Variants in NDUFAF2 observed in about 807,000 individuals in gnomAD.
NDUFAF2 encodes the protein NADH:ubiquinone oxidoreductase complex assembly factor 2.
In NDUFAF2, 13 loss-of-function variants were observed where a neutral mutation model predicts 22.8. The ratio of observed to expected loss-of-function variants is 0.57; its 90% confidence interval spans 0.37 to 0.91. NDUFAF2 has a LOEUF of 0.91. NDUFAF2 is among the 40% of genes least tolerant of loss of function. The pLI, the probability that NDUFAF2 is intolerant of heterozygous loss-of-function variation, is 0.01. For synonymous variants in NDUFAF2, 53 were observed against 64.2 expected, an observed-to-expected ratio of 0.83 and a Z score of 0.84; for missense variants, 162 against 195.2, an observed-to-expected ratio of 0.83 and a Z score of 1.01.
chr5:60,957,024 G>A (rs1430681715), intron 1 of NDUFAF2, among the ~76,000 whole-genome samples: 3 of 152,080 alleles, frequency 2.0e-5, no homozygotes, highest in African/African-American at 7.2e-5. Context: ...TAAAATTGAG[G>A]TTTGCTAATC....
At chr5:61,147,548 A>G (rs1378260087) in intron 3 of NDUFAF2, among the ~76,000 whole-genome samples, 1 of 148,918 alleles carries the variant, frequency 6.7e-6, no homozygotes, top group Non-Finnish European at 1.5e-5. Flanking sequence ...TGCTAGGATT[A>G]CAGGCGTGAG....
In NDUFAF2 at chr5:61,002,738, G is replaced by T. The variant is rs116640346; in HGVS notation, c.127+57356G>T. On this transcript the variant is annotated intron_variant, in intron 1 of 3. Transcript: ENST00000296597. Reference sequence around the variant, plus strand: ...GCATCTGTTTCCTTCTTGTGGGAGGGGGTTTGAGCTTCATTTCAATGTCAT... The same window carrying T: ...GCATCTGTTTCCTTCTTGTGGGAGGTGGTTTGAGCTTCATTTCAATGTCAT... 6.4e-3 allele frequency among the ~76,000 whole-genome samples: 970 copies of T among 152,184 alleles called. 5 individuals are homozygous for T. Among genetic ancestry groups the T allele is most frequent in the Non-Finnish European group, 0.01 (696 of 67,990 alleles).
intron 2 of NDUFAF2, among the ~76,000 whole-genome samples, chr5:61,084,805 G>A (rs1015580393): frequency 6.6e-6 from 1 of 152,160 alleles, no homozygotes; most frequent in African/African-American, 2.4e-5. Context: ...AATATCTGTA[G>A]ATTTAAACCT....
At chr5:60,982,816 T>C (rs1038856759) in intron 1 of NDUFAF2, among the ~76,000 whole-genome samples, 1 of 152,122 alleles carries the variant, frequency 6.6e-6, no homozygotes, top group Admixed American at 6.5e-5. Flanking sequence ...ACATTTGGGT[T>C]GGTCCCAAGT....
chr5:60,972,832 A>T (rs1580073955), intron 1 of NDUFAF2, among the ~76,000 whole-genome samples: 1 of 94,722 alleles, frequency 1.1e-5, no homozygotes, highest in Admixed American at 1.3e-4. Flanking sequence ...TTCTCATGGT[A>T]TATAGGAAGG....
chr5:61,078,617 G>A (rs1247685360), intron 2 of NDUFAF2, among the ~76,000 whole-genome samples: 3 of 151,990 alleles, frequency 2.0e-5, no homozygotes, highest in Non-Finnish European at 2.9e-5. Flanking sequence ...GGCACACACT[G>A]GTATTCCCAG....
At chr5:61,119,589 T>G (rs1050496825) in intron 3 of NDUFAF2, among the ~76,000 whole-genome samples, 1 of 152,176 alleles carries the variant, frequency 6.6e-6, no homozygotes, top group Non-Finnish European at 1.5e-5. Flanking sequence ...TCCCATTTTT[T>G]TATTTACCTA....
At chr5:61,070,625 A>G (rs1208278955) in intron 1 of NDUFAF2, among the ~76,000 whole-genome samples, 1 of 150,086 alleles carries the variant, frequency 6.7e-6, no homozygotes, top group African/African-American at 2.4e-5. Flanking sequence ...ACACACACAC[A>G]CACGCACTCA....
Position 60,992,304 on chromosome 5 carries a change from C to T in NDUFAF2, c.127+46922C>T, listed in dbSNP as rs192436445. On this transcript the variant is annotated intron_variant, in intron 1 of 3. Coordinates refer to ENST00000296597, the MANE Select transcript of NDUFAF2 (RefSeq NM_174889.5). ...TGTGCAGAAGCATTTTGACACTTGA[C>T]GTGATCCCATTTGTCCATTTTTGCT... Among the ~76,000 whole-genome samples the T allele has an allele frequency of 1.9e-3, 289 of 152,200 alleles. 1 individual carries two copies. The highest frequency in any genetic ancestry group is 9.2e-3 in the Admixed American group (140 of 15,296).
intron 1 of NDUFAF2, among the ~76,000 whole-genome samples, chr5:61,027,842 C>A (rs1344156588): frequency 6.6e-6 from 1 of 151,844 alleles, no homozygotes; most frequent in Non-Finnish European, 1.5e-5. Context: ...AGCTTGTTGT[C>A]CCTGCCCATA....
At chr5:61,097,478 G>A (rs894202828) in intron 2 of NDUFAF2, among the ~76,000 whole-genome samples, 3 of 152,142 alleles carry the variant, frequency 2.0e-5, no homozygotes, top group Admixed American at 6.5e-5. Flanking sequence ...CCATGGTAAA[G>A]TCAAAAATCC....
chr5:60,976,304 CTT>C (rs35600173), intron 1 of NDUFAF2, among the ~76,000 whole-genome samples: 129 of 148,146 alleles, frequency 8.7e-4, no homozygotes, highest in Admixed American at 2.1e-3. Flanking sequence ...AATGTATGTG[CTT>C]TTTTTTTTTT....
At chr5:61,121,521 CAT>C (rs1182195314) in intron 3 of NDUFAF2, among the ~76,000 whole-genome samples, 1 of 152,122 alleles carries the variant, frequency 6.6e-6, no homozygotes, top group Non-Finnish European at 1.5e-5. Context: ...TACACTTGCA[CAT>C]ATGTTTTGTT....
intron 2 of NDUFAF2, among the ~76,000 whole-genome samples, chr5:61,089,581 A>C (rs907634156): frequency 6.6e-6 from 1 of 152,124 alleles, no homozygotes. Flanking sequence ...GGCATCACTC[A>C]TCATCCCAAC....
At chr5:61,020,401 A>C (rs543074826) in intron 1 of NDUFAF2, among the ~76,000 whole-genome samples, 256 of 152,252 alleles carry the variant, frequency 1.7e-3, no homozygotes, top group Non-Finnish European at 2.8e-3. Flanking sequence ...ACAGGGCTGT[A>C]TATTTTACTA....
At chr5:61,069,208 C>A (rs1324878710) in intron 1 of NDUFAF2, among the ~76,000 whole-genome samples, 1 of 149,574 alleles carries the variant, frequency 6.7e-6, no homozygotes, top group Admixed American at 6.7e-5. Flanking sequence ...TTGTTGTGAA[C>A]TACAGGATTT....
intron 1 of NDUFAF2, among the ~76,000 whole-genome samples, chr5:60,986,944 A>C (rs1278651808): frequency 6.6e-6 from 1 of 151,584 alleles, no homozygotes; most frequent in African/African-American, 2.4e-5. Flanking sequence ...TCTCAAAAAA[A>C]AAAAAAAAAA....
chr5:60,989,701 G>T (rs1409495607), intron 1 of NDUFAF2, among the ~76,000 whole-genome samples: 6 of 152,096 alleles, frequency 3.9e-5, no homozygotes, highest in Admixed American at 2.0e-4. Context: ...AAGTAACAAC[G>T]CACGTGGACA....
intron 2 of NDUFAF2, among the ~76,000 whole-genome samples, chr5:61,091,211 G>C (rs745679798): frequency 2.6e-5 from 4 of 152,190 alleles, no homozygotes; most frequent in Non-Finnish European, 5.9e-5. Flanking sequence ...CCAGTAATGG[G>C]ATTGCTAGGT....
Sources: gnomAD v4.1 joint callset for allele counts (sites outside exome capture counted in the v4.1 genomes callset) on GRCh38, gnomAD v4.1.1 for gene constraint, MANE v1.5 for transcripts, NCBI Gene and HGNC (gene_info 2026-07-23, HGNC 2026-07-21) for gene names.